The following RCAN2 variants were observed in gnomAD, a reference collection of about 807,000 sequenced individuals.
RCAN2 encodes the protein calcipressin-2.
In RCAN2, 9 loss-of-function variants were observed where a neutral mutation model predicts 23.6. The observed-to-expected ratio is 0.38, with a 90% CI of 0.23 to 0.67. The LOEUF is 0.67. RCAN2 is among the 30% of genes least tolerant of loss of function. RCAN2 has a pLI of 0.51. For synonymous variants in RCAN2, 109 were observed against 115.7 expected (o/e 0.94, Z 0.37); for missense variants, 273 against 302.3 (o/e 0.90, Z 0.72).
intron 1 of RCAN2, among the ~76,000 whole-genome samples, chr6:46,469,122 C>G (rs1336036037): frequency 6.6e-6 from 1 of 152,174 alleles, no homozygotes; most frequent in Non-Finnish European, 1.5e-5. Context: ...TTGCCACCTC[C>G]CATCTAGATG....
At chr6:46,244,746 T>C (rs985481480) in intron 4 of RCAN2, among the ~76,000 whole-genome samples, 1 of 152,228 alleles carries the variant, frequency 6.6e-6, no homozygotes, top group Admixed American at 6.5e-5. Context: ...GGCCTTAGTT[T>C]CCTTTTCTGT....
At chr6:46,308,255 G>C (rs1371310201) in intron 2 of RCAN2, among the ~76,000 whole-genome samples, 1 of 152,140 alleles carries the variant, frequency 6.6e-6, no homozygotes, top group East Asian at 1.9e-4. Context: ...GATATAGAAA[G>C]TCACTTAAGT....
At position 46,452,682 on chromosome 6, in the gene RCAN2, C is replaced by G. The variant is rs1009727791; in HGVS notation, c.225+4070G>C. Reference sequence around the variant, plus strand: ...AGTAGAGTTACAGAAAGATACTACCCTCATAGGGTTGTCATGACAAGTAAA... The same window carrying G: ...AGTAGAGTTACAGAAAGATACTACCGTCATAGGGTTGTCATGACAAGTAAA... On this transcript the variant is annotated intron_variant, in intron 2 of 4. Coordinates refer to ENST00000371374, the MANE Select transcript of RCAN2 (RefSeq NM_001251974.2). Among the ~76,000 whole-genome samples the G allele has an allele frequency of 2.3e-4, 35 of 152,136 alleles. 1 individual carries two copies. The highest frequency in any genetic ancestry group is 3.9e-4 in the Admixed American group (6 of 15,270).
chr6:46,451,888 C>T (rs113651185), intron 2 of RCAN2, among the ~76,000 whole-genome samples: 19 of 152,044 alleles, frequency 1.2e-4, no homozygotes, highest in African/African-American at 4.1e-4. Flanking sequence ...GGCAGAATTA[C>T]CATCTTATTT....
intron 2 of RCAN2, among the ~76,000 whole-genome samples, chr6:46,316,785 G>C (rs547699489): frequency 6.6e-6 from 1 of 152,164 alleles, no homozygotes; most frequent in Admixed American, 6.5e-5. Flanking sequence ...GGAAAGGTAG[G>C]CTGAGATTTT....
intron 3 of RCAN2, among the ~76,000 whole-genome samples, 153 bp from the exon 4 acceptor site, chr6:46,247,072 C>T (rs1766541113): frequency 6.6e-6 from 1 of 152,168 alleles, no homozygotes; most frequent in Admixed American, 6.5e-5. Flanking sequence ...ATACCATGTG[C>T]TCAATTGCCT....
At position 46,223,091 on chromosome 6, in the gene RCAN2, A is replaced by T; in HGVS notation, c.*50T>A. 6.3e-7 allele frequency: 1 copy of T among 1,584,770 alleles called. No homozygotes were observed. On this transcript the variant is annotated 3_prime_UTR_variant, in exon 5 of 5. Transcript: ENST00000371374. Reference sequence around the variant, plus strand: ...ATTTTTTTTGACAAACAACAGGGGGAAAAAGCATGATAAAGAGGAGACGGC... The same window carrying T: ...ATTTTTTTTGACAAACAACAGGGGGTAAAAGCATGATAAAGAGGAGACGGC...
At chr6:46,268,673 G>A (rs1168069240) in intron 2 of RCAN2, among the ~76,000 whole-genome samples, 1 of 152,202 alleles carries the variant, frequency 6.6e-6, no homozygotes, top group Non-Finnish European at 1.5e-5. Context: ...TCCAGGTTAA[G>A]AATCACTTCA....
chr6:46,264,488 C>A (rs1306381250), intron 2 of RCAN2, among the ~76,000 whole-genome samples: 2 of 152,136 alleles, frequency 1.3e-5, no homozygotes, highest in Admixed American at 1.3e-4. Context: ...TCCATCTCAC[C>A]TTTTCTATTT....
chr6:46,367,044 T>TATATATATATATATATATATATAC (rs1561877005), intron 2 of RCAN2, among the ~76,000 whole-genome samples: 2 of 125,672 alleles, frequency 1.6e-5, no homozygotes, highest in Non-Finnish European at 3.4e-5. Flanking sequence ...TATATATATA[T>TATATATATATATATATATATATAC]ATATATATAT....
At chr6:46,427,657 C>T (rs1268101705) in intron 2 of RCAN2, among the ~76,000 whole-genome samples, 1 of 152,206 alleles carries the variant, frequency 6.6e-6, no homozygotes, top group African/African-American at 2.4e-5. Context: ...TGACATCCTG[C>T]TCTCTTAACC....
chr6:46,416,503 T>C (rs1473157178), intron 2 of RCAN2, among the ~76,000 whole-genome samples: 1 of 151,530 alleles, frequency 6.6e-6, no homozygotes, highest in Non-Finnish European at 1.5e-5. Flanking sequence ...GAAAGTTGTC[T>C]GATTGCCTTT....
chr6:46,472,492 C>T (rs946287459), intron 1 of RCAN2, among the ~76,000 whole-genome samples: 1 of 152,162 alleles, frequency 6.6e-6, no homozygotes, highest in African/African-American at 2.4e-5. Flanking sequence ...CTGTGACTCT[C>T]CGCATCCCAT....
At chr6:46,417,474 T>C (rs1369413841) in intron 2 of RCAN2, among the ~76,000 whole-genome samples, 2 of 152,352 alleles carry the variant, frequency 1.3e-5, no homozygotes, top group East Asian at 3.9e-4. Flanking sequence ...GATTAAAATT[T>C]AGTTTTAAAA....
At chr6:46,398,207 G>A (rs1157146040) in intron 2 of RCAN2, among the ~76,000 whole-genome samples, 1 of 152,104 alleles carries the variant, frequency 6.6e-6, no homozygotes, top group Non-Finnish European at 1.5e-5. Flanking sequence ...AATGTTAATG[G>A]TGATTTTTCT....
At chr6:46,419,299 A>C (rs1421898173) in intron 2 of RCAN2, among the ~76,000 whole-genome samples, 3 of 152,122 alleles carry the variant, frequency 2.0e-5, no homozygotes, top group Non-Finnish European at 4.4e-5. Flanking sequence ...AAGGCCCAAC[A>C]ACCTTTTTTC....
At position 46,428,972 on chromosome 6, in the gene RCAN2, A is replaced by T. The variant is rs112248103; in HGVS notation, c.225+27780T>A. Among the ~76,000 whole-genome samples the T allele has an allele frequency of 5.1e-3, 776 of 152,350 alleles. 6 individuals carry two copies. The highest frequency in any genetic ancestry group is 0.018 in the African/African-American group (738 of 41,570). On this transcript the variant is annotated intron_variant, in intron 2 of 4. Coordinates refer to ENST00000371374, the MANE Select transcript of RCAN2 (RefSeq NM_001251974.2). Reference sequence around the variant, plus strand: ...ATGGCCAATGTGTCATATCTAAAACAGGAATGTAAATATGTAGAAGGTAAA... The same window carrying T: ...ATGGCCAATGTGTCATATCTAAAACTGGAATGTAAATATGTAGAAGGTAAA...
intron 1 of RCAN2, among the ~76,000 whole-genome samples, chr6:46,475,139 T>C (rs1457538201): frequency 6.6e-6 from 1 of 152,126 alleles, no homozygotes; most frequent in African/African-American, 2.4e-5. Context: ...ACTTGGAAAT[T>C]AGGTTGGAGG....
At chr6:46,486,601 A>C (rs891605477) in intron 1 of RCAN2, among the ~76,000 whole-genome samples, 2 of 152,236 alleles carry the variant, frequency 1.3e-5, no homozygotes, top group African/African-American at 4.8e-5. Context: ...AGAACTAAGA[A>C]ACAGTGATAA....
Sources: gnomAD v4.1 joint callset for allele counts (sites outside exome capture counted in the v4.1 genomes callset) on GRCh38, gnomAD v4.1.1 for gene constraint, MANE v1.5 for transcripts, NCBI Gene and HGNC (gene_info 2026-07-23, HGNC 2026-07-21) for gene names.